The following ZNF423 variants were observed in gnomAD, a reference collection of about 807,000 sequenced individuals.
ZNF423 encodes zinc finger protein 423, also known as Ebf-associated zinc finger protein.
In ZNF423, 12 loss-of-function variants were observed where a neutral mutation model predicts 95.8. The observed-to-expected ratio is 0.13, with a 90% CI of 0.08 to 0.20. The LOEUF (loss-of-function observed/expected upper bound fraction) is 0.20. ZNF423 is among the 10% of genes least tolerant of loss of function. The pLI is 1.00. For missense variants in ZNF423, 1,316 were observed against 1,737.1 expected, an observed-to-expected ratio of 0.76 and a Z score of 4.31; for synonymous variants, 749 against 711.9, an observed-to-expected ratio of 1.05 and a Z score of -0.83.
intron 5 of ZNF423, among the ~76,000 whole-genome samples, chr16:49,582,116 C>T (rs1159417722): frequency 6.6e-6 from 1 of 152,222 alleles, no homozygotes; most frequent in Non-Finnish European, 1.5e-5. Flanking sequence ...CGCCTACACG[C>T]AAGCTGGGGA....
chr16:49,687,426 G>T (rs1157987538), intron 3 of ZNF423, among the ~76,000 whole-genome samples: 2 of 152,158 alleles, frequency 1.3e-5, no homozygotes, highest in Non-Finnish European at 2.9e-5. Flanking sequence ...CCACACACGG[G>T]TGCAAACCAA....
intron 1 of ZNF423, among the ~76,000 whole-genome samples, chr16:49,818,814 G>A (rs565945903): frequency 1.3e-5 from 2 of 152,216 alleles, no homozygotes; most frequent in South Asian, 4.1e-4. Flanking sequence ...TTGAGCCCAG[G>A]AGTTCAAAAC....
At chr16:49,854,112 T>G (rs1284040148) in intron 1 of ZNF423, 3 of 984,904 alleles carry the variant, frequency 3.0e-6, no homozygotes, top group Non-Finnish European at 3.6e-6. Context: ...CTTCTTGGAG[T>G]CTCTCTTCTG....
intron 1 of ZNF423, chr16:49,822,669 C>T (rs770345643): frequency 6.2e-7 from 1 of 1,611,510 alleles, no homozygotes; most frequent in Non-Finnish European, 8.5e-7. Context: ...CCCCTGCTCA[C>T]CCCTCTTCTT....
chr16:49,609,327 C>T (rs1744520792), intron 5 of ZNF423, among the ~76,000 whole-genome samples: 1 of 152,140 alleles, frequency 6.6e-6, no homozygotes, highest in Admixed American at 6.5e-5. Flanking sequence ...AATCATCTAT[C>T]CTACCAAGAA....
intron 1 of ZNF423, among the ~76,000 whole-genome samples, chr16:49,820,030 A>G (rs1255678380): frequency 7.0e-6 from 1 of 143,544 alleles, no homozygotes; most frequent in African/African-American, 2.8e-5. Flanking sequence ...GAATAGGTGG[A>G]TGGATGGATG....
intron 2 of ZNF423, among the ~76,000 whole-genome samples, chr16:49,775,147 A>G (rs956309713): frequency 5.9e-5 from 9 of 152,172 alleles, no homozygotes; most frequent in East Asian, 3.9e-4. Flanking sequence ...TCCAGGGTCA[A>G]TTGAAGAAGG....
At chr16:49,569,503 G>A (rs375984455) in intron 5 of ZNF423, among the ~76,000 whole-genome samples, 4 of 152,312 alleles carry the variant, frequency 2.6e-5, no homozygotes, top group East Asian at 1.9e-4. Context: ...GCCCTGTAAC[G>A]TCCTGGCTGC....
chr16:49,821,736 C>T (rs567831789), intron 1 of ZNF423, among the ~76,000 whole-genome samples: 2 of 152,272 alleles, frequency 1.3e-5, no homozygotes, highest in Non-Finnish European at 2.9e-5. Flanking sequence ...TTCCCTCCCC[C>T]GGTGTGTGCG....
chr16:49,660,989 G>A (rs2030189680), intron 3 of ZNF423, among the ~76,000 whole-genome samples: 1 of 152,156 alleles, frequency 6.6e-6, no homozygotes, highest in African/African-American at 2.4e-5. Flanking sequence ...GGGAGGCCAA[G>A]GAGGGTGGAT....
intron 5 of ZNF423, among the ~76,000 whole-genome samples, chr16:49,600,355 A>G (rs1971326265): frequency 6.6e-6 from 1 of 151,962 alleles, no homozygotes; most frequent in Admixed American, 6.6e-5. Context: ...AAAATAAAAT[A>G]AAAGGGGGCA....
At chr16:49,725,516 A>T (rs1183489093) in intron 3 of ZNF423, among the ~76,000 whole-genome samples, 1 of 152,244 alleles carries the variant, frequency 6.6e-6, no homozygotes, top group African/African-American at 2.4e-5. Flanking sequence ...CTGGGCTAGA[A>T]CATAACGGGG....
intron 5 of ZNF423, among the ~76,000 whole-genome samples, chr16:49,620,926 T>C (rs1248031213): frequency 6.6e-6 from 1 of 152,146 alleles, no homozygotes; most frequent in Non-Finnish European, 1.5e-5. Context: ...TATACATATA[T>C]GTTCAACACA....
chr16:49,812,448 C>T (rs1262203331), intron 1 of ZNF423, among the ~76,000 whole-genome samples: 2 of 152,160 alleles, frequency 1.3e-5, no homozygotes, highest in Admixed American at 1.3e-4. Context: ...AATCCCAGCA[C>T]TCTAGGAGGC....
chr16:49,687,178 G>T (rs939167897), intron 3 of ZNF423, among the ~76,000 whole-genome samples: 1 of 151,778 alleles, frequency 6.6e-6, no homozygotes, highest in African/African-American at 2.4e-5. Flanking sequence ...CAGTGGGCAG[G>T]CCTCCCAGGG....
chr16:49,824,927 T>C (rs984711945), intron 1 of ZNF423, among the ~76,000 whole-genome samples: 3 of 152,200 alleles, frequency 2.0e-5, no homozygotes, highest in Non-Finnish European at 4.4e-5. Context: ...GGCTGGTTTT[T>C]AAGACTCGAA....
rs191674098 is a variant in ZNF423 at position 49,779,940 on chromosome 16, A to T, written c.100+9547T>A. Among the ~76,000 whole-genome samples, 925 of 152,298 alleles carry T rather than the reference A, an allele frequency of 6.1e-3. 12 individuals are homozygous for T. Among genetic ancestry groups the T allele is most frequent in the African/African-American group, 0.021 (892 of 41,552 alleles). On this transcript the variant is annotated intron_variant, in intron 2 of 7. Transcript: ENST00000563137. The stretch of plus-strand genomic sequence containing the variant: ...TTGCTGGGGCAGATGGTCCCAAATC[A>T]ACTGAGCAACTGCGCTGCAAAATCT...
intron 5 of ZNF423, among the ~76,000 whole-genome samples, chr16:49,571,025 T>C (rs1199529226): frequency 6.6e-6 from 1 of 152,234 alleles, no homozygotes; most frequent in African/African-American, 2.4e-5. Flanking sequence ...AGACAGATAG[T>C]ATCCCTGGTC....
chr16:49,676,067 CA>C (rs564082442), intron 3 of ZNF423, among the ~76,000 whole-genome samples: 50 of 152,350 alleles, frequency 3.3e-4, no homozygotes, highest in African/African-American at 1.2e-3. Flanking sequence ...CTCAGAACAT[CA>C]GCCATGGTTA....
Sources: gnomAD v4.1 joint callset for allele counts (sites outside exome capture counted in the v4.1 genomes callset) on GRCh38, gnomAD v4.1.1 for gene constraint, MANE v1.5 for transcripts, NCBI Gene and HGNC (gene_info 2026-07-23, HGNC 2026-07-21) for gene names.